The following MKX variants were observed in gnomAD, a reference collection of about 807,000 sequenced individuals.
The protein encoded by MKX is homeobox protein Mohawk.
MKX carries 13 observed loss-of-function variants against 36.0 expected under a neutral mutation model. That is an observed-to-expected ratio of 0.36 (90% CI 0.24 to 0.57). The LOEUF (loss-of-function observed/expected upper bound fraction) is 0.57, where lower values mean the gene tolerates loss of function less well. Among genes scored for constraint, MKX ranks in the 20% least tolerant of loss-of-function variants. The pLI is 0.79. For synonymous variants in MKX, 176 were observed against 178.3 expected (o/e 0.99, Z 0.10); for missense variants, 458 against 456.4 (o/e 1.00, Z -0.03).
chr10:27,743,234 C>A lies in MKX; in HGVS notation c.182G>T (p.Arg61Met), dbSNP rs369508986. Residue 61 changes from arginine to methionine, a missense_variant, in exon 2 of 7, where the codon AGG becomes ATG. By Grantham distance (91) the Arg-to-Met change is moderately conservative. This residue lies in a region of MKX where 149 missense variants were observed against 114.3 expected (regional missense o/e 1.30). Coordinates refer to ENST00000419761, the MANE Select transcript of MKX (RefSeq NM_173576.3). ...CCCAGGGGAGTGCGCATACCCGGTC[C>A]TCCGGTGTCTCAGGCCGAGGTTGTC... Reference protein sequence around the residue: ...LKDNLGLRHRRTGARQNGGKV... With the variant: ...LKDNLGLRHRMTGARQNGGKV... 2.0e-6 allele frequency: 3 copies of A among 1,511,812 alleles called. No individual in the cohort carries two copies. Among genetic ancestry groups the A allele is most frequent in the African/African-American group, 2.9e-5 (2 of 68,502 alleles). The allele number at this position is 1,511,812 out of a possible 1,614,324, so 93.6% of individuals were successfully genotyped here.
chr10:27,700,078 A>G (rs1836624653), intron 5 of MKX, among the ~76,000 whole-genome samples: 1 of 152,222 alleles, frequency 6.6e-6, no homozygotes, highest in African/African-American at 2.4e-5. Context: ...ATAATTTACT[A>G]TGTACCCTCA....
In MKX at chr10:27,742,953, G is replaced by A. The variant is rs1157464345; in HGVS notation, c.188+275C>T. Reference sequence around the variant, plus strand: ...AGGGGCAAATAACCCCCAACTCCGAGGTCCAGGCAGCGGAGGGCCGAGGGG... The same window carrying A: ...AGGGGCAAATAACCCCCAACTCCGAAGTCCAGGCAGCGGAGGGCCGAGGGG... On this transcript the variant is annotated intron_variant, in intron 2 of 6. Transcript: ENST00000419761. The surrounding 1 kb of genome is among the most constrained non-coding windows in gnomAD (Gnocchi z 4.2). Among the ~76,000 whole-genome samples the A allele has an allele frequency of 6.6e-6, 1 of 152,370 alleles. No individual in the cohort carries two copies. The highest frequency in any genetic ancestry group is 1.9e-4 in the East Asian group (1 of 5,182).
chr10:27,696,682 C>T (rs1415281826), intron 5 of MKX, among the ~76,000 whole-genome samples: 1 of 151,874 alleles, frequency 6.6e-6, no homozygotes, highest in Non-Finnish European at 1.5e-5. Flanking sequence ...AACGTGCATA[C>T]CAAGGCTAAT....
At chr10:27,740,342 G>A (rs1797911549) in intron 3 of MKX, among the ~76,000 whole-genome samples, 1 of 152,176 alleles carries the variant, frequency 6.6e-6, no homozygotes, top group Non-Finnish European at 1.5e-5. Flanking sequence ...TTCACCTGAT[G>A]TAGCCCCTCC....
intron 5 of MKX, among the ~76,000 whole-genome samples, chr10:27,733,926 A>G (rs914369357): frequency 1.7e-4 from 26 of 152,304 alleles, no homozygotes; most frequent in Non-Finnish European, 2.1e-4. Flanking sequence ...CCAGACCTAT[A>G]CCTTTCTTTC....
At chr10:27,699,893 A>G (rs1286262490) in intron 5 of MKX, among the ~76,000 whole-genome samples, 1 of 152,210 alleles carries the variant, frequency 6.6e-6, no homozygotes, top group Non-Finnish European at 1.5e-5. Context: ...GTCATATGCT[A>G]TTGGCAAAGC....
At chr10:27,732,625 T>C (rs1318378838) in intron 5 of MKX, among the ~76,000 whole-genome samples, 6 of 152,218 alleles carry the variant, frequency 3.9e-5, no homozygotes, top group African/African-American at 1.4e-4. Flanking sequence ...TATTTTATTT[T>C]ATTTTTCAAT....
At chr10:27,697,980 A>G (rs576755266) in intron 5 of MKX, among the ~76,000 whole-genome samples, 71 of 152,300 alleles carry the variant, frequency 4.7e-4, no homozygotes, top group Non-Finnish European at 9.3e-4. Flanking sequence ...CAAGGTTATC[A>G]TTATCTGAGT....
At chr10:27,721,723 G>A (rs761747395) in intron 5 of MKX, among the ~76,000 whole-genome samples, 6 of 152,010 alleles carry the variant, frequency 3.9e-5, no homozygotes, top group African/African-American at 9.7e-5. Context: ...AAACCACCAC[G>A]GCACACGTTA....
At chr10:27,730,408 G>T (rs1834597698) in intron 5 of MKX, among the ~76,000 whole-genome samples, 1 of 150,834 alleles carries the variant, frequency 6.6e-6, no homozygotes, top group African/African-American at 2.4e-5. Context: ...AAAAATAAGT[G>T]AAGTAAAATT....
chr10:27,740,491 C>G (rs554455263), intron 3 of MKX, among the ~76,000 whole-genome samples: 1 of 152,314 alleles, frequency 6.6e-6, no homozygotes, highest in Non-Finnish European at 1.5e-5. Flanking sequence ...TTTACTGACA[C>G]AACTGCCCCA....
At chr10:27,702,109 A>G (rs181398389) in intron 5 of MKX, among the ~76,000 whole-genome samples, 2 of 152,214 alleles carry the variant, frequency 1.3e-5, no homozygotes, top group East Asian at 3.9e-4. Flanking sequence ...TAGCTGTAGA[A>G]CTGAATCCAG....
At position 27,708,459 on chromosome 10, in the gene MKX, C is replaced by T. The variant is rs773778057; in HGVS notation, c.838+25997G>A. On this transcript the variant is annotated intron_variant, in intron 5 of 6. Coordinates refer to ENST00000419761, the MANE Select transcript of MKX (RefSeq NM_173576.3). The stretch of plus-strand genomic sequence containing the variant: ...CAAAAAATTGACTATAGGCCGGGCG[C>T]GGTTGCTCATGGCTGTAATCTCAGC... 3.3e-5 allele frequency among the ~76,000 whole-genome samples: 5 copies of T among 152,258 alleles called. No individual in the cohort carries two copies. In the South Asian group the frequency reaches 8.3e-4, roughly 25 times the overall value.
chr10:27,725,074 G>A (rs1033765247), intron 5 of MKX, among the ~76,000 whole-genome samples: 7 of 152,120 alleles, frequency 4.6e-5, no homozygotes, highest in South Asian at 4.1e-4. Context: ...GCCAAAAACC[G>A]TTAGACTTAC....
At chr10:27,721,639 G>T (rs1051194250) in intron 5 of MKX, among the ~76,000 whole-genome samples, 2 of 152,088 alleles carry the variant, frequency 1.3e-5, no homozygotes, top group Non-Finnish European at 2.9e-5. Flanking sequence ...GAGATCAAGG[G>T]GAGGGAAAGC....
intron 5 of MKX, among the ~76,000 whole-genome samples, chr10:27,677,080 G>A (rs890699590): frequency 1.1e-4 from 17 of 152,248 alleles, no homozygotes; most frequent in African/African-American, 4.1e-4. Context: ...CATGGCATCC[G>A]AGCAAAGGAG....
chr10:27,733,586 CT>C (rs1834681429), intron 5 of MKX, among the ~76,000 whole-genome samples: 1 of 152,102 alleles, frequency 6.6e-6, no homozygotes, highest in Non-Finnish European at 1.5e-5. Context: ...TGTAATGTGC[CT>C]GGTCTAGATG....
chr10:27,713,846 C>T (rs908812338), intron 5 of MKX, among the ~76,000 whole-genome samples: 2 of 151,940 alleles, frequency 1.3e-5, no homozygotes, highest in Non-Finnish European at 2.9e-5. Context: ...CCTCTTCTTG[C>T]CATGATAAAC....
chr10:27,711,922 A>G (rs966988541), intron 5 of MKX, among the ~76,000 whole-genome samples: 1 of 152,102 alleles, frequency 6.6e-6, no homozygotes, highest in Non-Finnish European at 1.5e-5. Flanking sequence ...ATAAAGGACA[A>G]GAAGCAGGTA....
Sources: gnomAD v4.1 joint callset for allele counts (sites outside exome capture counted in the v4.1 genomes callset) on GRCh38, gnomAD v4.1.1 for gene constraint, gnomAD v4.1.1 regional missense constraint, Gnocchi (gnomAD v3.1) non-coding constraint, MANE v1.5 for transcripts, NCBI Gene and HGNC (gene_info 2026-07-23, HGNC 2026-07-21) for gene names.